The following PDE11A variants were observed in gnomAD, a reference collection of about 807,000 sequenced individuals.
PDE11A encodes the protein phosphodiesterase 11A.
In PDE11A, 100 loss-of-function variants were observed where a neutral mutation model predicts 100.5. The observed-to-expected ratio is 1.00, with a 90% confidence interval of 0.85 to 1.18. The LOEUF (loss-of-function observed/expected upper bound fraction) is 1.18. Among genes scored for constraint, PDE11A ranks in the 50% most tolerant of loss-of-function variants. PDE11A has a pLI of 0.00. For synonymous variants in PDE11A, 381 were observed against 420.8 expected (o/e 0.91, Z 1.16); for missense variants, 1,141 against 1,152.6 (o/e 0.99, Z 0.15).
chr2:177,702,115 C>T (rs916229690), intron 13 of PDE11A, among the ~76,000 whole-genome samples: 3 of 152,040 alleles, frequency 2.0e-5, no homozygotes, highest in African/African-American at 7.2e-5. Context: ...CTCATTGATA[C>T]TTAAAGGGAT....
rs144109460 is a variant in PDE11A at position 177,704,116 on chromosome 2, A to G, written c.2154-2905T>C. ...GACTTTGTTATTCATTCATTCATCT[A>G]TCATTCATTCAACCAATAAGCATTG... On this transcript the variant is annotated intron_variant, in intron 13 of 19. Transcript: ENST00000286063. Among the ~76,000 whole-genome samples the G allele has an allele frequency of 7.5e-3, 1,135 of 152,278 alleles. 6 individuals carry two copies. The highest frequency in any genetic ancestry group is 0.017 in the South Asian group (83 of 4,822).
chr2:177,971,964 T>C (rs916300047), intron 2 of PDE11A, among the ~76,000 whole-genome samples: 4 of 152,164 alleles, frequency 2.6e-5, no homozygotes, highest in African/African-American at 9.7e-5. Context: ...TATAGAACCA[T>C]CTAGACACCA....
At chr2:177,909,610 C>G (rs1254867726) in intron 2 of PDE11A, among the ~76,000 whole-genome samples, 2 of 152,112 alleles carry the variant, frequency 1.3e-5, no homozygotes, top group Non-Finnish European at 2.9e-5. Flanking sequence ...AAATGTTGGC[C>G]CTATTGGACA....
In PDE11A at chr2:177,652,975, A is replaced by C. The variant is rs575092635; in HGVS notation, c.2646+10891T>G. 3.4e-3 allele frequency among the ~76,000 whole-genome samples: 521 copies of C among 152,296 alleles called. 6 individuals carry two copies. The highest frequency in any genetic ancestry group is 0.012 in the African/African-American group (507 of 41,552). On this transcript the variant is annotated intron_variant, in intron 19 of 19. Coordinates refer to ENST00000286063, the MANE Select transcript of PDE11A (RefSeq NM_016953.4). ...CATATATTTAAATGCAAGGCACTGA[A>C]AGACAAAAGACCTATTCAAGGCAGA... is the stretch of plus-strand genomic sequence containing the variant.
rs559724333 is a variant in PDE11A, at chr2:178,033,570, A to G, written c.913-19110T>C. Reference sequence around the variant, plus strand: ...GAGAACAACACTAAGATACTCCTCAAGAAGAGCAACCCCAAGACACATAAT... The same window carrying G: ...GAGAACAACACTAAGATACTCCTCAGGAAGAGCAACCCCAAGACACATAAT... On this transcript the variant is annotated intron_variant, in intron 1 of 19. Transcript: ENST00000286063. Among the ~76,000 whole-genome samples, 34 of 152,278 alleles carry G rather than the reference A, an allele frequency of 2.2e-4. No homozygotes were observed. The South Asian group carries it at 6.4e-3, about 29-fold the overall frequency.
chr2:178,106,072 G>A (rs191575776), intron 1 of PDE11A, among the ~76,000 whole-genome samples: 130 of 152,226 alleles, frequency 8.5e-4, no homozygotes, highest in African/African-American at 2.6e-3. Context: ...AACAGAAAAC[G>A]TTTGTGTTAT....
chr2:177,957,679 T>C (rs898678090), intron 2 of PDE11A, among the ~76,000 whole-genome samples: 2 of 152,218 alleles, frequency 1.3e-5, no homozygotes, highest in Non-Finnish European at 2.9e-5. Context: ...GAGGGTTGGC[T>C]GCTCACAGCC....
chr2:177,929,213 T>C (rs928195628), intron 2 of PDE11A, among the ~76,000 whole-genome samples: 4 of 152,148 alleles, frequency 2.6e-5, no homozygotes, highest in Non-Finnish European at 5.9e-5. Context: ...ACAACAGCAG[T>C]GTGCACCAGC....
At chr2:177,924,442 AGTTT>A (rs1266715314) in intron 2 of PDE11A, among the ~76,000 whole-genome samples, 7 of 152,206 alleles carry the variant, frequency 4.6e-5, no homozygotes, top group Admixed American at 4.6e-4. Context: ...CTTGCAAGTT[AGTTT>A]GATTCCATGA....
chr2:177,632,798 G>A (rs990119575), intron 19 of PDE11A, among the ~76,000 whole-genome samples: 23 of 152,190 alleles, frequency 1.5e-4, no homozygotes, highest in Admixed American at 1.5e-3. Context: ...CATAGGGGAA[G>A]TGACTTACCC....
At chr2:177,827,064 G>T (rs2083236128) in intron 6 of PDE11A, among the ~76,000 whole-genome samples, 1 of 152,222 alleles carries the variant, frequency 6.6e-6, no homozygotes, top group Non-Finnish European at 1.5e-5. Context: ...CTGTGGGGGT[G>T]CGGGAGTGCT....
intron 1 of PDE11A, among the ~76,000 whole-genome samples, chr2:178,049,416 A>G (rs1212815409): frequency 2.0e-5 from 3 of 152,208 alleles, no homozygotes; most frequent in Non-Finnish European, 4.4e-5. Flanking sequence ...TGCAGCTCCC[A>G]GCATGAGTGA....
At chr2:178,032,965 AT>A in intron 1 of PDE11A, among the ~76,000 whole-genome samples, 1 of 152,312 alleles carries the variant, frequency 6.6e-6, no homozygotes, top group Admixed American at 6.5e-5. Context: ...ACAACTGAAA[AT>A]TCAAAAAACC....
intron 9 of PDE11A, among the ~76,000 whole-genome samples, chr2:177,798,471 T>A (rs1213971609): frequency 6.6e-6 from 1 of 152,204 alleles, no homozygotes; most frequent in Non-Finnish European, 1.5e-5. Context: ...TGATTATTTA[T>A]CTTACAAATC....
intron 2 of PDE11A, among the ~76,000 whole-genome samples, chr2:177,968,540 A>C (rs2085727895): frequency 6.6e-6 from 1 of 152,230 alleles, no homozygotes; most frequent in Admixed American, 6.5e-5. Context: ...TACAATTCCA[A>C]ATAAACCCAA....
At chr2:177,824,205 G>A (rs2083192124) in intron 6 of PDE11A, among the ~76,000 whole-genome samples, 1 of 152,128 alleles carries the variant, frequency 6.6e-6, no homozygotes, top group Admixed American at 6.5e-5. Context: ...TTGAAGTGGG[G>A]AACACAGGAA....
chr2:177,930,810 C>T (rs904104579), intron 2 of PDE11A, among the ~76,000 whole-genome samples: 1 of 152,172 alleles, frequency 6.6e-6, no homozygotes, highest in African/African-American at 2.4e-5. Flanking sequence ...GATTAACACA[C>T]CCTGAATCCC....
At chr2:178,051,772 T>A (rs2105857886) in intron 1 of PDE11A, among the ~76,000 whole-genome samples, 1 of 152,202 alleles carries the variant, frequency 6.6e-6, no homozygotes, top group Non-Finnish European at 1.5e-5. Flanking sequence ...AAGAAGGCCA[T>A]TACATAATGG....
At chr2:177,668,762 C>A (rs1297030565) in intron 18 of PDE11A, among the ~76,000 whole-genome samples, 1 of 152,158 alleles carries the variant, frequency 6.6e-6, no homozygotes, top group South Asian at 2.1e-4. Flanking sequence ...TTGATACCTT[C>A]CTTGAGTATC....
Sources: allele counts gnomAD v4.1 joint callset (sites outside exome capture counted in the v4.1 genomes callset), GRCh38; gene constraint gnomAD v4.1.1; transcripts MANE v1.5; gene names NCBI Gene and HGNC (gene_info 2026-07-23, HGNC 2026-07-21).